VPS33B: variants seen among roughly 807,000 people sequenced by gnomAD.
VPS33B encodes the protein VPS33B late endosome and lysosome associated, also known as vacuolar protein sorting-associated protein 33B.
In VPS33B, 80 loss-of-function variants were observed where a neutral mutation model predicts 95.3. The observed-to-expected ratio is 0.84, with a 90% CI of 0.70 to 1.01. VPS33B has a LOEUF of 1.01. Among genes scored for constraint, VPS33B ranks in the 50% least tolerant of loss-of-function variants. VPS33B has a pLI of 0.00. For missense variants in VPS33B, 715 were observed against 773.4 expected, an observed-to-expected ratio of 0.92 and a Z score of 0.90; for synonymous variants, 280 against 280.4, an observed-to-expected ratio of 1.00 and a Z score of 0.01.
intron 16 of VPS33B, among the ~76,000 whole-genome samples, chr15:91,004,342 A>G (rs1386682013): frequency 1.3e-5 from 2 of 152,088 alleles, no homozygotes; most frequent in Non-Finnish European, 2.9e-5. Context: ...AATTTTAGAA[A>G]TGTTCATGAA....
In VPS33B at chr15:91,007,963, A is replaced by C. The variant is rs1210526441; in HGVS notation, c.405T>G (p.Asp135Glu). ...AGAAGGCCCATTCATCACAGCTCAC[A>C]TCTGTGGGGACAGAGAGCATCAGCC... Reference protein sequence around the residue: ...MVLEEEGIYGDVSCDEWAFSL... With the variant: ...MVLEEEGIYGEVSCDEWAFSL... Residue 135 changes from aspartate (D) to glutamate (E), a missense_variant and splice_region_variant, in exon 7 of 23, where the codon GAT (aspartate) becomes GAG (glutamate). By Grantham distance (45) the Asp-to-Glu change is conservative (BLOSUM62 2). Transcript: ENST00000333371. This position sits in a 1 kb window ranked among gnomAD's most constrained non-coding sequence, Gnocchi z 5.3. The C allele has an allele frequency of 6.2e-7, 1 of 1,614,134 alleles. No homozygotes were observed. The highest frequency in any genetic ancestry group is 1.1e-5 in the South Asian group (1 of 91,080).
rs1449187069 is a variant in VPS33B at position 91,010,768 on chromosome 15, C to T, written c.358-922G>A. On this transcript the variant is annotated intron_variant, in intron 5 of 22. Transcript: ENST00000333371. The surrounding 1 kb of genome is among the most constrained non-coding windows in gnomAD (Gnocchi z 5.7). ...AAGCAGGGGCAGGAGAAAACAGCAA[C>T]AGTCAAGGCAGGAAAGGTGAGAGTT... Among the ~76,000 whole-genome samples the T allele has an allele frequency of 1.3e-5, 2 of 152,088 alleles. No individual in the cohort carries two copies. The highest frequency in any genetic ancestry group is 2.9e-5 in the Non-Finnish European group (2 of 68,030).
intron 3 of VPS33B, among the ~76,000 whole-genome samples, chr15:91,014,794 T>G (rs1468163730): frequency 6.6e-6 from 1 of 152,178 alleles, no homozygotes; most frequent in East Asian, 1.9e-4. Context: ...TATCTGTCAG[T>G]TAAAAATAAA....
At chr15:91,016,912 C>G (rs1193280562) in intron 3 of VPS33B, 51 bp downstream of exon 3, 1 of 1,580,408 alleles carries the variant, frequency 6.3e-7, no homozygotes, top group Admixed American at 1.7e-5. Context: ...AGACGTGCCC[C>G]TAGGGACCTC....
chr15:91,013,883 A>G lies in VPS33B; in HGVS notation c.290-12T>C, dbSNP rs754476021. ...AGCATTGACAAGACCTACAGAGAGA[A>G]GGAATGCAGCCCAGCAAGTCATGGG... On this transcript the variant is annotated splice_polypyrimidine_tract_variant and intron_variant, in intron 4 of 22. Transcript: ENST00000333371. This position sits in a 1 kb window ranked among gnomAD's most constrained non-coding sequence, Gnocchi z 4.5. 3.7e-6 allele frequency: 6 copies of G among 1,613,970 alleles called. No individual in the cohort carries two copies. In the South Asian group the frequency reaches 5.5e-5, roughly 15 times the overall value.
Position 91,001,063 on chromosome 15 carries a change from C to A in VPS33B, c.1479+326G>T, listed in dbSNP as rs1040542783. ...GGGCGCAGTGGCTCATGCCTGTAAT[C>A]CCAGCACTTTGGGAGGCCGAGGTGG... is the stretch of plus-strand genomic sequence containing the variant. On this transcript the variant is annotated intron_variant, in intron 19 of 22. Transcript: ENST00000333371. The A allele has an allele frequency of 1.6e-5, 6 of 373,958 alleles. 1 individual carries two copies. The highest frequency in any genetic ancestry group is 4.5e-5 in the South Asian group (2 of 44,366). 23.2% of individuals were successfully genotyped at this position (373,958 alleles called of 1,614,324 possible). A position where few individuals can be genotyped will look rare whatever the true frequency, so the allele number is the denominator to read the frequency against.
intron 3 of VPS33B, 130 bp from the exon 4 acceptor site, chr15:91,014,563 T>C (rs1341959853): frequency 4.0e-6 from 4 of 1,010,348 alleles, no homozygotes; most frequent in South Asian, 1.3e-5. Flanking sequence ...AAAGCTATGC[T>C]ATTCTCTTGG....
At chr15:91,016,476 C>T (rs1049366452) in intron 3 of VPS33B, among the ~76,000 whole-genome samples, 2 of 150,960 alleles carry the variant, frequency 1.3e-5, no homozygotes, top group African/African-American at 2.4e-5. Context: ...CATCGCCTCC[C>T]GGGTTCAAGC....
In VPS33B at chr15:91,022,158, T is replaced by C; in HGVS notation, c.92A>G (p.Glu31Gly). 1 of 1,562,002 alleles carries C rather than the reference T, an allele frequency of 6.4e-7. No homozygotes were observed. Among genetic ancestry groups the C allele is most frequent in the South Asian group, 1.2e-5 (1 of 84,976 alleles). ...LARDQLIYLL[E>G]QLPGKKDLFI... is the part of the protein sequence containing the mutation. The stretch of plus-strand genomic sequence containing the variant: ...AGGCGTCAGGCAAGCACTGACCTGC[T>C]CCAGCAGATAGATGAGCTGGTCTCG... Residue 31 changes from glutamate (E) to glycine (G), a missense_variant, in exon 1 of 23, where the codon GAG becomes GGG. Glu to Gly is a moderately conservative substitution (Grantham distance 98). Coordinates refer to ENST00000333371, the MANE Select transcript of VPS33B (RefSeq NM_018668.5).
At chr15:91,017,929 G>C (rs753476938) in intron 1 of VPS33B, 44 bp from the exon 2 acceptor site, 1 of 1,595,390 alleles carries the variant, frequency 6.3e-7, no homozygotes, top group Non-Finnish European at 8.6e-7. Flanking sequence ...GGTCACATGA[G>C]CTTCCGCAGC....
chr15:90,999,596 G>C lies in VPS33B; in HGVS notation c.1774+81C>G. 6.9e-7 allele frequency: 1 copy of C among 1,452,288 alleles called. No individual in the cohort carries two copies. Among genetic ancestry groups the C allele is most frequent in the Non-Finnish European group, 9.6e-7 (1 of 1,037,428 alleles). The allele number at this position is 1,452,288 out of a possible 1,614,324, so 90.0% of individuals were successfully genotyped here. On this transcript the variant is annotated intron_variant, in intron 22 of 22. Transcript: ENST00000333371. The surrounding 1 kb of genome is among the most constrained non-coding windows in gnomAD (Gnocchi z 5.1). Reference sequence around the variant, plus strand: ...CGCCTCCCAAAGTGCTGAGATTACAGGTATGAACCACCGTGCCCAGCTGAC... The same window carrying C: ...CGCCTCCCAAAGTGCTGAGATTACACGTATGAACCACCGTGCCCAGCTGAC...
intron 15 of VPS33B, 23 bp from the exon 16 acceptor site, chr15:91,004,954 G>T: frequency 6.2e-7 from 1 of 1,614,194 alleles, no homozygotes; most frequent in South Asian, 1.1e-5. Context: ...AAAGAATCAA[G>T]GAGAATTGAA....
Position 91,005,862 on chromosome 15 carries a change from C to T in VPS33B, c.940-78G>A. Reference sequence around the variant, plus strand: ...CCACCCTCCCTCAGTTGCCATCCATCCATGAGAAAGGACAGGGAACCTGTC... The same window carrying T: ...CCACCCTCCCTCAGTTGCCATCCATTCATGAGAAAGGACAGGGAACCTGTC... On this transcript the variant is annotated intron_variant, in intron 12 of 22. Transcript: ENST00000333371. The surrounding 1 kb of genome is among the most constrained non-coding windows in gnomAD (Gnocchi z 6.4). The T allele has an allele frequency of 1.9e-6, 3 of 1,608,516 alleles. No homozygotes were observed. The highest frequency in any genetic ancestry group is 2.6e-6 in the Non-Finnish European group (3 of 1,175,358).
rs186544774 is a variant in VPS33B, at chr15:91,013,677, C to T, written c.357+127G>A. The T allele has an allele frequency of 1.5e-3, 1,476 of 962,538 alleles. 5 individuals are homozygous for T. The highest frequency in any genetic ancestry group is 2.8e-3 in the Middle Eastern group (13 of 4,716). 59.6% of individuals were successfully genotyped at this position (962,538 alleles called of 1,614,324 possible). A position where few individuals can be genotyped will look rare whatever the true frequency, so the allele number is the denominator to read the frequency against. ...TTCTGTTCATTATAAATTACCTAGTCTCAGGTATTCTGTTACAGCAACAGA... is the reference window on the plus strand; with the variant it reads ...TTCTGTTCATTATAAATTACCTAGTTTCAGGTATTCTGTTACAGCAACAGA... On this transcript the variant is annotated intron_variant, in intron 5 of 22. Coordinates refer to ENST00000333371, the MANE Select transcript of VPS33B (RefSeq NM_018668.5). The surrounding 1 kb of genome is among the most constrained non-coding windows in gnomAD (Gnocchi z 4.5).
In VPS33B at chr15:91,021,667, A is replaced by G. The variant is rs563727055; in HGVS notation, c.96+487T>C. On this transcript the variant is annotated intron_variant, in intron 1 of 22. Transcript: ENST00000333371. ...TGGTTTGCCAACTTTGCTCCTACCA[A>G]TCTATCTGCCTGGAGCATGCTTAGT... 2.0e-5 allele frequency among the ~76,000 whole-genome samples: 3 copies of G among 152,256 alleles called. No homozygotes were observed. The South Asian group carries it at 6.2e-4, about 32-fold the overall frequency.
chr15:91,017,132 T>G (rs976854901), intron 2 of VPS33B, 108 bp from the exon 3 acceptor site: 1 of 1,029,880 alleles, frequency 9.7e-7, no homozygotes, highest in Admixed American at 1.7e-5. Context: ...TGCTAATTAT[T>G]GAGGGCTTCC....
In VPS33B at chr15:91,015,615, G is replaced by A. The variant is rs184521499; in HGVS notation, c.240-1182C>T. ...TGCTTGAACCTGGGAGGCAGATCCC[G>A]CCACTGCACTCCAACCTGGGTGACA... On this transcript the variant is annotated intron_variant, in intron 3 of 22. Coordinates refer to ENST00000333371, the MANE Select transcript of VPS33B (RefSeq NM_018668.5). This position sits in a 1 kb window ranked among gnomAD's most constrained non-coding sequence, Gnocchi z 4.7. 1.3e-5 allele frequency among the ~76,000 whole-genome samples: 2 copies of A among 151,948 alleles called. No individual in the cohort carries two copies. Among genetic ancestry groups the A allele is most frequent in the Admixed American group, 6.5e-5 (1 of 15,274 alleles).
At position 91,000,066 on chromosome 15, in the gene VPS33B, C is replaced by T; in HGVS notation, c.1582-91G>A. On this transcript the variant is annotated intron_variant, in intron 20 of 22. Coordinates refer to ENST00000333371, the MANE Select transcript of VPS33B (RefSeq NM_018668.5). This position sits in a 1 kb window ranked among gnomAD's most constrained non-coding sequence, Gnocchi z 4.9. ...AGCAGCCAGACTGTCACATTTCTTG[C>T]TCATTACTCAAGTAGCAAAAAGTTG... 5.9e-6 allele frequency: 9 copies of T among 1,531,378 alleles called. No homozygotes were observed. Among genetic ancestry groups the T allele is most frequent in the Non-Finnish European group, 8.1e-6 (9 of 1,113,508 alleles). The allele number at this position is 1,531,378 out of a possible 1,614,324, so 94.9% of individuals were successfully genotyped here. A position where few individuals can be genotyped will look rare whatever the true frequency, so the allele number is the denominator to read the frequency against.
intron 3 of VPS33B, 131 bp from the exon 4 acceptor site, chr15:91,014,564 A>C (rs1268781963): frequency 2.0e-6 from 2 of 994,852 alleles, no homozygotes; most frequent in Non-Finnish European, 3.1e-6. Flanking sequence ...AAGCTATGCT[A>C]TTCTCTTGGT....
Sources: gnomAD v4.1 joint callset for allele counts (sites outside exome capture counted in the v4.1 genomes callset) on GRCh38, gnomAD v4.1.1 for gene constraint, Gnocchi (gnomAD v3.1) non-coding constraint, MANE v1.5 for transcripts, NCBI Gene and HGNC (gene_info 2026-07-23, HGNC 2026-07-21) for gene names.